The following DARS2 variants were observed in gnomAD, a reference collection of about 807,000 sequenced individuals.
DARS2 encodes the protein aspartate--tRNA ligase, mitochondrial.
Under a neutral mutation model 83.0 loss-of-function variants are expected in DARS2, and 63 were observed. The ratio of observed to expected loss-of-function variants is 0.76; its 90% CI spans 0.62 to 0.94. The LOEUF (loss-of-function observed/expected upper bound fraction) is 0.94. Among genes scored for constraint, DARS2 ranks in the 40% least tolerant of loss-of-function variants. DARS2 has a pLI of 0.00. For missense variants in DARS2, 675 were observed against 774.4 expected, an observed-to-expected ratio of 0.87 and a Z score of 1.52; for synonymous variants, 250 against 269.3, an observed-to-expected ratio of 0.93 and a Z score of 0.70.
At position 173,834,414 on chromosome 1, in the gene DARS2, T is replaced by C. The variant is rs1652901322; in HGVS notation, c.617-59T>C. The C allele has an allele frequency of 2.5e-5, 32 of 1,293,130 alleles. No individual in the cohort carries two copies. In the East Asian group the frequency reaches 7.2e-4, roughly 29 times the overall value. 80.1% of individuals were successfully genotyped at this position (1,293,130 alleles called of 1,614,324 possible). A position where few individuals can be genotyped will look rare whatever the true frequency, so the allele number is the denominator to read the frequency against. On this transcript the variant is annotated intron_variant, in intron 6 of 16. Coordinates refer to ENST00000649689, the MANE Select transcript of DARS2 (RefSeq NM_018122.5). The stretch of plus-strand genomic sequence containing the variant: ...GATTTGTTGTACTATATTGTGGACA[T>C]CATATATGACAAATTTCACATTCCT...
intron 2 of DARS2, 21 bp from the exon 3 acceptor site, chr1:173,828,312 T>TGGGGGGGGGGGGG: frequency 6.4e-7 from 1 of 1,551,346 alleles, no homozygotes; most frequent in Non-Finnish European, 8.8e-7. Context: ...AATGTTTCTT[T>TGGGGGGGGGGGGG]TCCCCCCCCC....
intron 11 of DARS2, 85 bp downstream of exon 11, chr1:173,841,058 A>G (rs1653183824): frequency 2.2e-6 from 2 of 889,532 alleles, no homozygotes; most frequent in South Asian, 2.7e-5. Context: ...AAACTTCAGA[A>G]AGAACAATTC....
At chr1:173,852,265 T>C (rs1557863034) in intron 13 of DARS2, 1 of 981,726 alleles carries the variant, frequency 1.0e-6, no homozygotes, top group African/African-American at 1.8e-5. Flanking sequence ...ATACCATAGG[T>C]AGCACTTATT....
Position 173,856,717 on chromosome 1 carries a change from C to G in DARS2, c.1726C>G (p.Pro576Ala). 1 of 1,613,788 alleles carries G rather than the reference C, an allele frequency of 6.2e-7. No homozygotes were observed. Among genetic ancestry groups the G allele is most frequent in the Non-Finnish European group, 8.5e-7 (1 of 1,179,828 alleles). Residue 576 changes from proline (P) to alanine (A), a missense_variant, in exon 16 of 17, where the codon CCC becomes GCC. Coordinates refer to ENST00000649689, the MANE Select transcript of DARS2 (RefSeq NM_018122.5). The stretch of plus-strand genomic sequence containing the variant: ...GCTCCAGGCTTTAGATTATGGGGCA[C>G]CCCCTCATGGAGGAATTGCCTTAGG... ...HLLQALDYGA[P>A]PHGGIALGLD...
At chr1:173,831,254 C>T (rs1375293778) in intron 4 of DARS2, among the ~76,000 whole-genome samples, 1 of 150,902 alleles carries the variant, frequency 6.6e-6, no homozygotes, top group African/African-American at 2.4e-5. Context: ...GCAGTATTAC[C>T]CAGGCTGGTC....
At position 173,839,507 on chromosome 1, in the gene DARS2, C is replaced by T; in HGVS notation, c.981C>T (p.Thr327=). 1 of 1,614,118 alleles carries T rather than the reference C, an allele frequency of 6.2e-7. No individual in the cohort carries two copies. The highest frequency in any genetic ancestry group is 8.5e-7 in the Non-Finnish European group (1 of 1,180,026). The change falls in exon 10 of 17, where the codon ACC becomes ACT. Residue 327 remains threonine (T), a synonymous_variant. Coordinates refer to ENST00000649689, the MANE Select transcript of DARS2 (RefSeq NM_018122.5). ...TGACTTTTGCTGAGGTGCTGGCCACCTATGGAACTGATAAACCTGACACTC... is the reference window on the plus strand; with the variant it reads ...TGACTTTTGCTGAGGTGCTGGCCACTTATGGAACTGATAAACCTGACACTC... The part of the protein sequence containing the change: ...PTMTFAEVLA[T]YGTDKPDTRF...
Position 173,857,955 on chromosome 1 carries a change from A to G in DARS2, c.*250A>G. ...AAGTTCCTTTTTACTTAGGTGTGAAAGATGGTTCTTTGTTGAAATAATATA... is the reference window on the plus strand; with the variant it reads ...AAGTTCCTTTTTACTTAGGTGTGAAGGATGGTTCTTTGTTGAAATAATATA... On this transcript the variant is annotated 3_prime_UTR_variant, in exon 17 of 17. Coordinates refer to ENST00000649689, the MANE Select transcript of DARS2 (RefSeq NM_018122.5). 2.0e-6 allele frequency: 1 copy of G among 501,832 alleles called. No homozygotes were observed. The highest frequency in any genetic ancestry group is 2.1e-5 in the South Asian group (1 of 48,088). The allele number at this position is 501,832 out of a possible 1,614,324, so 31.1% of individuals were successfully genotyped here. A position where few individuals can be genotyped will look rare whatever the true frequency, so the allele number is the denominator to read the frequency against.
At chr1:173,826,540 T>C (rs1051406686) in intron 1 of DARS2, 147 bp from the exon 2 acceptor site, 78 of 632,266 alleles carry the variant, frequency 1.2e-4, no homozygotes, top group African/African-American at 1.2e-3. Flanking sequence ...TTAAATTACA[T>C]ACTCTGACTT....
intron 11 of DARS2, among the ~76,000 whole-genome samples, chr1:173,841,736 C>G (rs968980644): frequency 1.3e-5 from 2 of 152,156 alleles, no homozygotes; most frequent in African/African-American, 4.8e-5. Flanking sequence ...GTGTTCAAGG[C>G]TGCAGTAAGC....
chr1:173,851,932 T>G, intron 13 of DARS2: 1 of 985,232 alleles, frequency 1.0e-6, no homozygotes, highest in Non-Finnish European at 1.2e-6. Context: ...TTTCCAAATT[T>G]TATTATGAAT....
rs1247409850 is a variant in DARS2, at chr1:173,839,491, C to T, written c.965C>T (p.Ala322Val). The T allele has an allele frequency of 6.2e-7, 1 of 1,614,132 alleles. No homozygotes were observed. The highest frequency in any genetic ancestry group is 1.7e-5 in the Admixed American group (1 of 60,004). The stretch of plus-strand genomic sequence containing the variant: ...GTTCCTTTTCCTACTATGACTTTTG[C>T]TGAGGTGCTGGCCACCTATGGAACT... ...VVVPFPTMTF[A>V]EVLATYGTDK... Residue 322 changes from alanine (A) to valine (V), a missense_variant, in exon 10 of 17, where the codon GCT becomes GTT. Transcript: ENST00000649689.
intron 11 of DARS2, among the ~76,000 whole-genome samples, chr1:173,843,120 T>C (rs372892858): frequency 1.3e-5 from 2 of 151,794 alleles, no homozygotes; most frequent in African/African-American, 4.8e-5. Context: ...TTTTATACCT[T>C]CCGTACCTAG....
Position 173,856,771 on chromosome 1 carries a change from C to T in DARS2, c.1750+30C>T, listed in dbSNP as rs755501296. 4 of 1,587,718 alleles carry T rather than the reference C, an allele frequency of 2.5e-6. No homozygotes were observed. The East Asian group carries it at 6.7e-5, about 27-fold the overall frequency. On this transcript the variant is annotated intron_variant, in intron 16 of 16. Coordinates refer to ENST00000649689, the MANE Select transcript of DARS2 (RefSeq NM_018122.5). The stretch of plus-strand genomic sequence containing the variant: ...ACAACTTTTCCTTTTATAAGATAAA[C>T]TGAATTCCATTGCACTGTCTCAAAT...
chr1:173,838,215 C>T lies in DARS2; in HGVS notation c.796C>T (p.Arg266Ter), dbSNP rs149035108. 27 of 1,613,458 alleles carry T rather than the reference C, an allele frequency of 1.7e-5. No homozygotes were observed. In the African/African-American group the frequency reaches 1.9e-4, roughly 11 times the overall value. ...DRYFQVARCY[R>*]DEGSRPDRQP... ...ATATTTTCAGGTTGCCCGATGTTAT[C>T]GAGATGAAGGTTCAAGACCAGACAG... The change falls in exon 9 of 17, where the codon CGA becomes TGA. Residue 266 changes from arginine to a stop codon, truncating the protein, a stop_gained. Coordinates refer to ENST00000649689, the MANE Select transcript of DARS2 (RefSeq NM_018122.5). LOFTEE classifies it high-confidence loss of function.
At position 173,825,117 on chromosome 1, in the gene DARS2, G is replaced by A; in HGVS notation, c.-113G>A. ...GGAGGAGGCCTTAAATATTCGAGAAGAGAGTGGGAACTCCTGGAATTTTAA... is the reference window on the plus strand; with the variant it reads ...GGAGGAGGCCTTAAATATTCGAGAAAAGAGTGGGAACTCCTGGAATTTTAA... On this transcript the variant is annotated 5_prime_UTR_variant, in exon 1 of 17. Transcript: ENST00000649689. 6.7e-7 allele frequency: 1 copy of A among 1,495,430 alleles called. No homozygotes were observed. The highest frequency in any genetic ancestry group is 1.1e-5 in the South Asian group (1 of 88,250). 92.6% of individuals were successfully genotyped at this position (1,495,430 alleles called of 1,614,324 possible). A position where few individuals can be genotyped will look rare whatever the true frequency, so the allele number is the denominator to read the frequency against.
intron 3 of DARS2, among the ~76,000 whole-genome samples, chr1:173,829,199 CAT>C (rs2102636919): frequency 7.3e-6 from 1 of 137,638 alleles, no homozygotes; most frequent in Admixed American, 7.2e-5. Flanking sequence ...GCAGAATATA[CAT>C]TCAGTGTGTG....
chr1:173,837,994 T>C (rs1358866849), intron 8 of DARS2, among the ~76,000 whole-genome samples, 196 bp from the exon 9 acceptor site: 1 of 152,142 alleles, frequency 6.6e-6, no homozygotes, highest in South Asian at 2.1e-4. Context: ...AGGCTGGTCT[T>C]GAACGCCTGA....
At chr1:173,847,464 T>G (rs1653479444) in intron 12 of DARS2, among the ~76,000 whole-genome samples, 1 of 152,140 alleles carries the variant, frequency 6.6e-6, no homozygotes, top group African/African-American at 2.4e-5. Flanking sequence ...TCCTGTTTTC[T>G]TTTTCTTTCC....
intron 12 of DARS2, among the ~76,000 whole-genome samples, chr1:173,849,566 G>A (rs1482533091): frequency 6.7e-6 from 1 of 150,252 alleles, no homozygotes; most frequent in Non-Finnish European, 1.5e-5. Flanking sequence ...GGAAGCTCAA[G>A]AGAGAGGCTT....
Sources: gnomAD v4.1 joint callset for allele counts (sites outside exome capture counted in the v4.1 genomes callset) on GRCh38, gnomAD v4.1.1 for gene constraint, MANE v1.5 for transcripts, NCBI Gene and HGNC (gene_info 2026-07-23, HGNC 2026-07-21) for gene names.